RFX6: variants seen among roughly 807,000 people sequenced by gnomAD.
RFX6 encodes the protein regulatory factor X6, also known as DNA-binding protein RFX6.
In RFX6, 50 loss-of-function variants were observed where a neutral mutation model predicts 110.8. That is an observed-to-expected ratio of 0.45 (90% CI 0.36 to 0.57). RFX6 has a LOEUF of 0.57. Among genes scored for constraint, RFX6 ranks in the 20% least tolerant of loss-of-function variants. The pLI, the probability that RFX6 is intolerant of heterozygous loss-of-function variation, is 0.00. For synonymous variants in RFX6, 383 were observed against 411.2 expected (o/e 0.93, Z 0.83); for missense variants, 990 against 1,127.0 (o/e 0.88, Z 1.74).
intron 4 of RFX6, 92 bp downstream of exon 4, chr6:116,882,520 G>C: frequency 2.3e-6 from 2 of 863,390 alleles, no homozygotes; most frequent in Non-Finnish European, 3.9e-6. Context: ...AGTACAAAGA[G>C]AACCAGGTAT....
intron 17 of RFX6, among the ~76,000 whole-genome samples, chr6:116,927,741 TC>T (rs1477139655): frequency 7.0e-6 from 1 of 142,142 alleles, no homozygotes. Context: ...TTGCCCTTCT[TC>T]CTTTTTTTTT....
Position 116,927,050 on chromosome 6 carries a change from G to T in RFX6, c.1909G>T (p.Ala637Ser), listed in dbSNP as rs756030718. 3 of 1,614,058 alleles carry T rather than the reference G, an allele frequency of 1.9e-6. No homozygotes were observed. The highest frequency in any genetic ancestry group is 1.3e-5 in the African/African-American group (1 of 75,032). The change falls in exon 17 of 19, where the codon GCT (alanine) becomes TCT (serine). Residue 637 changes from alanine (A) to serine (S), a missense_variant. This residue lies in a region of RFX6 where 438 missense variants were observed against 441.9 expected (regional missense o/e 0.99). Transcript: ENST00000332958. ...AGGTCAAATGGAGCTTTCACAGATT[G>T]CTGGTCATCTGATGACACCACCCAT... ...LTGQMELSQI[A>S]GHLMTPPISP...
rs139617888 is a variant in RFX6, at chr6:116,887,048, C to T, written c.566+4620C>T. ...ACTGCACTCCAGCCTGGCGACCGAG[C>T]GAGACTCCATCTCAAAACATAACAA... is the stretch of plus-strand genomic sequence containing the variant. On this transcript the variant is annotated intron_variant, in intron 4 of 18. Transcript: ENST00000332958. Among the ~76,000 whole-genome samples the T allele has an allele frequency of 3.4e-4, 51 of 151,768 alleles. 1 individual carries two copies. The highest frequency in any genetic ancestry group is 1.1e-3 in the African/African-American group (44 of 41,366).
chr6:116,918,297 A>G (rs192436296), intron 10 of RFX6, among the ~76,000 whole-genome samples: 5 of 152,240 alleles, frequency 3.3e-5, no homozygotes, highest in Admixed American at 1.3e-4. Context: ...CTTTAATTTG[A>G]GAGCGGCTAA....
chr6:116,931,338 T>C lies in RFX6; in HGVS notation c.2619T>C (p.Ser873=). 6.2e-7 allele frequency: 1 copy of C among 1,611,586 alleles called. No individual in the cohort carries two copies. The highest frequency in any genetic ancestry group is 1.1e-5 in the South Asian group (1 of 91,042). Reference sequence around the variant, plus strand: ...TTATATTTTCCCTTACAGCTTCCAGTTTGCAAACCCCAATTCCTTCTTCCT... The same window carrying C: ...TTATATTTTCCCTTACAGCTTCCAGCTTGCAAACCCCAATTCCTTCTTCCT... ...VACRTPVLAS[S]LQTPIPSSSS... is the part of the protein sequence containing the mutation. The change falls in exon 19 of 19, where the codon AGT becomes AGC. Residue 873 remains serine (S), a synonymous_variant. Coordinates refer to ENST00000332958, the MANE Select transcript of RFX6 (RefSeq NM_173560.4).
chr6:116,900,387 TGGGATTACA>T (rs1775041321), intron 6 of RFX6, among the ~76,000 whole-genome samples: 1 of 152,076 alleles, frequency 6.6e-6, no homozygotes, highest in African/African-American at 2.4e-5. Flanking sequence ...CCCGAGTAGC[TGGGATTACA>T]GGCGTGCGCC....
chr6:116,921,302 G>A (rs1003929227), intron 12 of RFX6, among the ~76,000 whole-genome samples: 8 of 152,036 alleles, frequency 5.3e-5, no homozygotes, highest in African/African-American at 9.7e-5. Flanking sequence ...ATGATAAAAC[G>A]TTATTCAGGT....
chr6:116,885,119 T>C (rs1467961358), intron 4 of RFX6: 1 of 152,182 alleles, frequency 6.6e-6, no homozygotes, highest in Non-Finnish European at 1.5e-5. Context: ...AAAGGCAGTA[T>C]AGCCTAATGG....
intron 11 of RFX6, 30 bp downstream of exon 11, chr6:116,919,326 G>A (rs186142161): frequency 6.3e-7 from 1 of 1,592,836 alleles, no homozygotes; most frequent in African/African-American, 1.3e-5. Context: ...GAGAGCATTT[G>A]AGTCACCATA....
At chr6:116,877,975 A>C (rs1774501911) in intron 2 of RFX6, 23 bp downstream of exon 2, 3 of 1,610,864 alleles carry the variant, frequency 1.9e-6, no homozygotes, top group Non-Finnish European at 2.5e-6. Context: ...CGCAGGGTAC[A>C]CTGAAGCACC....
At chr6:116,902,429 C>T (rs1775096532) in intron 6 of RFX6, among the ~76,000 whole-genome samples, 1 of 151,866 alleles carries the variant, frequency 6.6e-6, no homozygotes, top group Non-Finnish European at 1.5e-5. Context: ...AGCGTTACTA[C>T]TTAGTATTAA....
intron 17 of RFX6, 150 bp downstream of exon 17, chr6:116,927,689 C>A: frequency 1.5e-6 from 1 of 679,672 alleles, no homozygotes; most frequent in Non-Finnish European, 2.5e-6. Flanking sequence ...TGATTTCTGT[C>A]ACATACATAT....
At chr6:116,896,700 C>A (rs1403186389) in intron 6 of RFX6, among the ~76,000 whole-genome samples, 1 of 73,206 alleles carries the variant, frequency 1.4e-5, no homozygotes. Context: ...AGTGTGAGAC[C>A]CTATCTCAAA....
At chr6:116,879,023 A>T (rs1774529763) in intron 2 of RFX6, among the ~76,000 whole-genome samples, 1 of 151,940 alleles carries the variant, frequency 6.6e-6, no homozygotes, top group African/African-American at 2.4e-5. Flanking sequence ...AATATCTGGG[A>T]TATTTAGGAT....
intron 18 of RFX6, 90 bp downstream of exon 18, chr6:116,929,061 A>C: frequency 1.2e-6 from 1 of 849,884 alleles, no homozygotes. Flanking sequence ...GCTGAGGTGA[A>C]CTGAGCAAGC....
intron 9 of RFX6, 75 bp from the exon 10 acceptor site, chr6:116,917,962 T>C: frequency 1.0e-6 from 1 of 986,298 alleles, no homozygotes; most frequent in East Asian, 2.4e-5. Flanking sequence ...GAATAAAAAG[T>C]AGTTGACCAA....
chr6:116,892,677 T>G (rs1179038491), intron 4 of RFX6, among the ~76,000 whole-genome samples: 1 of 151,914 alleles, frequency 6.6e-6, no homozygotes, highest in East Asian at 1.9e-4. Context: ...ACTCCAGGAG[T>G]CTAAGAATGC....
intron 12 of RFX6, among the ~76,000 whole-genome samples, chr6:116,921,555 T>C (rs916753170): frequency 4.6e-5 from 7 of 152,188 alleles, no homozygotes; most frequent in Admixed American, 2.0e-4. Flanking sequence ...TATACACTTA[T>C]TAAAATTTCG....
rs766695745 is a variant in RFX6 at position 116,924,686 on chromosome 6, C to A, written c.1573C>A (p.Arg525=). 4 of 1,609,656 alleles carry A rather than the reference C, an allele frequency of 2.5e-6. No homozygotes were observed. The highest frequency in any genetic ancestry group is 2.6e-6 in the Non-Finnish European group (3 of 1,176,098). ...ASSFGSFHLI[R]MLLDEYILLA... Reference sequence around the variant, plus strand: ...TAAACAAGGTTCTTTTCATTTGATTCGAATGCTTCTCGATGAATACATTCT... The same window carrying A: ...TAAACAAGGTTCTTTTCATTTGATTAGAATGCTTCTCGATGAATACATTCT... The change falls in exon 15 of 19, where the codon CGA becomes AGA. Residue 525 remains arginine (R), a synonymous_variant. Transcript: ENST00000332958.
Sources: allele counts gnomAD v4.1 joint callset (sites outside exome capture counted in the v4.1 genomes callset), GRCh38; gene constraint gnomAD v4.1.1; regional missense constraint gnomAD v4.1.1; transcripts MANE v1.5; gene names NCBI Gene and HGNC (gene_info 2026-07-23, HGNC 2026-07-21).